The following PHF21B variants were observed in gnomAD, a reference collection of about 807,000 sequenced individuals.
PHF21B encodes PHD finger protein 21B, also known as PHD finger protein 4.
A neutral mutation model predicts 62.2 loss-of-function variants in PHF21B; 22 were observed. The observed-to-expected ratio is 0.35, with a 90% CI of 0.25 to 0.51. The LOEUF (loss-of-function observed/expected upper bound fraction) is 0.51, where lower values mean the gene tolerates loss of function less well. Ranked by LOEUF, PHF21B falls within the 20% of genes least tolerant of loss-of-function variation. The pLI, the probability that PHF21B is intolerant of heterozygous loss-of-function variation, is 0.97. For missense variants in PHF21B, 701 were observed against 707.9 expected, an observed-to-expected ratio of 0.99 and a Z score of 0.11; for synonymous variants, 341 against 314.7, an observed-to-expected ratio of 1.08 and a Z score of -0.88.
rs1430962757 is a variant in PHF21B at position 45,009,997 on chromosome 22, T to G, written c.-448A>C. On this transcript the variant is annotated 5_prime_UTR_variant, in exon 1 of 13. Coordinates refer to ENST00000313237, the MANE Select transcript of PHF21B (RefSeq NM_138415.5). The surrounding 1 kb of genome is among the most constrained non-coding windows in gnomAD (Gnocchi z 5.9). ...AAGTTGTGCCTCGGCACGATGCTAA[T>G]TCGGCAGTGCCCGGATGGAGCGGGC... 3 of 145,246 alleles carry G rather than the reference T, an allele frequency of 2.1e-5. No individual in the cohort carries two copies. The South Asian group carries it at 5.9e-4, about 28-fold the overall frequency. 9.0% of individuals were successfully genotyped at this position (145,246 alleles called of 1,614,324 possible). A position where few individuals can be genotyped will look rare whatever the true frequency, so the allele number is the denominator to read the frequency against.
chr22:44,956,614 GC>G lies in PHF21B; in HGVS notation c.121-36125del, dbSNP rs1229900760. On this transcript the variant is annotated intron_variant, in intron 2 of 12. Transcript: ENST00000313237. ...AGAGCTGCCGAGCTTCCTTCACGAGGCGGCTGCTGCCCAGGGAGACCTCGAG... is the reference window on the plus strand; with the variant it reads ...AGAGCTGCCGAGCTTCCTTCACGAGGGGCTGCTGCCCAGGGAGACCTCGAG... 3.9e-3 allele frequency among the ~76,000 whole-genome samples: 598 copies of G among 152,286 alleles called. 5 individuals are homozygous for G. Among genetic ancestry groups the G allele is most frequent in the African/African-American group, 0.013 (543 of 41,556 alleles).
chr22:44,995,859 G>A (rs550409082), intron 2 of PHF21B, among the ~76,000 whole-genome samples: 395 of 147,930 alleles, frequency 2.7e-3, no homozygotes, highest in Non-Finnish European at 4.8e-3. Flanking sequence ...CCTGAGGTCA[G>A]GGTGACTGCC....
intron 2 of PHF21B, among the ~76,000 whole-genome samples, chr22:44,938,592 C>T (rs961948012): frequency 6.6e-6 from 1 of 152,208 alleles, no homozygotes; most frequent in Non-Finnish European, 1.5e-5. Context: ...AAAGGCAGGG[C>T]CAAGGGGGCA....
chr22:44,919,842 T>C (rs759230966), intron 3 of PHF21B, among the ~76,000 whole-genome samples: 1 of 152,212 alleles, frequency 6.6e-6, no homozygotes, highest in African/African-American at 2.4e-5. Context: ...AGCCGGCACC[T>C]GCACCAGTCC....
In PHF21B at chr22:44,913,844, G is replaced by A. The variant is rs1452493314; in HGVS notation, c.809C>T (p.Pro270Leu). The A allele has an allele frequency of 6.2e-7, 1 of 1,613,734 alleles. No individual in the cohort carries two copies. The highest frequency in any genetic ancestry group is 1.3e-5 in the African/African-American group (1 of 75,018). ...QATKKKKEDR[P>L]PTQENPEKIA... ...TACCTCGGGGTTCTCCTGGGTCGGGGGCCGGTCTTCCTTCTTCTTTTTGGT... is the reference window on the plus strand; with the variant it reads ...TACCTCGGGGTTCTCCTGGGTCGGGAGCCGGTCTTCCTTCTTCTTTTTGGT... The change falls in exon 5 of 13, where the codon CCC becomes CTC. Residue 270 changes from proline to leucine, a missense_variant. Pro to Leu is a moderately conservative substitution (Grantham distance 98, BLOSUM62 -3). Coordinates refer to ENST00000313237, the MANE Select transcript of PHF21B (RefSeq NM_138415.5).
At chr22:44,944,570 T>C (rs1266786471) in intron 2 of PHF21B, among the ~76,000 whole-genome samples, 1 of 152,184 alleles carries the variant, frequency 6.6e-6, no homozygotes, top group African/African-American at 2.4e-5. Context: ...TTTGGGAATT[T>C]CCTAAGATGC....
At position 44,882,251 on chromosome 22, in the gene PHF21B, C is replaced by G. The variant is rs1160390773; in HGVS notation, c.*835G>C. On this transcript the variant is annotated 3_prime_UTR_variant, in exon 13 of 13. Coordinates refer to ENST00000313237, the MANE Select transcript of PHF21B (RefSeq NM_138415.5). ...CAAGGAGAAAACCTGCCAAATGCTG[C>G]CCCCCACAACAGGGTTGCAGCTCCA... The G allele has an allele frequency of 6.6e-6, 1 of 152,580 alleles. No homozygotes were observed. Among genetic ancestry groups the G allele is most frequent in the Admixed American group, 6.5e-5 (1 of 15,272 alleles). 9.5% of individuals were successfully genotyped at this position (152,580 alleles called of 1,614,324 possible). A position where few individuals can be genotyped will look rare whatever the true frequency, so the allele number is the denominator to read the frequency against.
intron 5 of PHF21B, among the ~76,000 whole-genome samples, chr22:44,900,412 T>C (rs4823410): frequency 0.1 from 15,195 of 152,194 alleles, 892 homozygotes; most frequent in African/African-American, 0.17. Context: ...GTGATTCTCC[T>C]GCCTCAGTCT....
At chr22:44,936,572 C>T (rs376142781) in intron 2 of PHF21B, among the ~76,000 whole-genome samples, 4 of 152,142 alleles carry the variant, frequency 2.6e-5, no homozygotes, top group Admixed American at 6.5e-5. Flanking sequence ...TGAGCTGAGA[C>T]GGGTTTCAAG....
At chr22:45,004,752 C>T (rs2147540870) in intron 2 of PHF21B, among the ~76,000 whole-genome samples, 1 of 152,228 alleles carries the variant, frequency 6.6e-6, no homozygotes, top group East Asian at 1.9e-4. Flanking sequence ...TTGCTGGACA[C>T]AGCTGGTAAG....
At chr22:44,905,425 T>G (rs1285775590) in intron 5 of PHF21B, among the ~76,000 whole-genome samples, 1 of 152,230 alleles carries the variant, frequency 6.6e-6, no homozygotes, top group Non-Finnish European at 1.5e-5. Context: ...TCGTTATTCC[T>G]TATTTCTAGA....
At position 44,916,349 on chromosome 22, in the gene PHF21B, G is replaced by C; in HGVS notation, c.495C>G (p.Pro165=). ...TSPSNAAAMA[P]STAVSVVSDS... is the part of the protein sequence containing the mutation. ...CACTGACCACAGACACGGCGGTGCT[G>C]GGGGCCATGGCGGCGGCATTGCTGG... The change falls in exon 4 of 13, where the codon CCC becomes CCG. Residue 165 remains proline, a synonymous_variant. Coordinates refer to ENST00000313237, the MANE Select transcript of PHF21B (RefSeq NM_138415.5). 6.3e-7 allele frequency: 1 copy of C among 1,597,392 alleles called. No homozygotes were observed. Among genetic ancestry groups the C allele is most frequent in the Non-Finnish European group, 8.5e-7 (1 of 1,176,626 alleles).
At chr22:44,891,500 G>A (rs1569209565) in intron 7 of PHF21B, 140 bp from the exon 8 acceptor site, 2 of 964,676 alleles carry the variant, frequency 2.1e-6, no homozygotes, top group East Asian at 2.6e-5. Flanking sequence ...CCCCTGCCAG[G>A]GGCAGAAATA....
At chr22:44,886,020 G>T in intron 10 of PHF21B, 82 bp from the exon 11 acceptor site, 1 of 1,335,672 alleles carries the variant, frequency 7.5e-7, no homozygotes. Flanking sequence ...GTGTAACCCT[G>T]AGGGGGCACG....
chr22:44,978,252 G>C (rs942150665), intron 2 of PHF21B, among the ~76,000 whole-genome samples: 2 of 152,084 alleles, frequency 1.3e-5, no homozygotes, highest in African/African-American at 2.4e-5. Flanking sequence ...TTCCCACCCA[G>C]CAGCACTCCT....
chr22:44,976,889 G>C (rs370151141), intron 2 of PHF21B, among the ~76,000 whole-genome samples: 2 of 152,354 alleles, frequency 1.3e-5, no homozygotes, highest in African/African-American at 4.8e-5. Context: ...TGCAGTCCCA[G>C]CACTTTAGGA....
Position 44,910,666 on chromosome 22 carries a change from T to C in PHF21B, c.831+3156A>G, listed in dbSNP as rs2071329165. Among the ~76,000 whole-genome samples, 3 of 152,356 alleles carry C rather than the reference T, an allele frequency of 2.0e-5. No individual in the cohort carries two copies. The South Asian group carries it at 6.2e-4, about 32-fold the overall frequency. On this transcript the variant is annotated intron_variant, in intron 5 of 12. Transcript: ENST00000313237. ...TTTCCTTCTGCCATGATTGTGAGGC[T>C]TCCCCAGCCATCTGGAACTGTGAGT...
chr22:44,941,204 C>A (rs556344046), intron 2 of PHF21B, among the ~76,000 whole-genome samples: 2 of 152,174 alleles, frequency 1.3e-5, no homozygotes, highest in African/African-American at 4.8e-5. Context: ...CAGCCAACAC[C>A]CAGAGGAAGA....
At chr22:44,952,723 C>G (rs1408052967) in intron 2 of PHF21B, among the ~76,000 whole-genome samples, 1 of 152,206 alleles carries the variant, frequency 6.6e-6, no homozygotes, top group Admixed American at 6.5e-5. Context: ...GTATAAGAGT[C>G]TGATTCCAAG....
Sources: gnomAD v4.1 joint callset for allele counts (sites outside exome capture counted in the v4.1 genomes callset) on GRCh38, gnomAD v4.1.1 for gene constraint, Gnocchi (gnomAD v3.1) non-coding constraint, MANE v1.5 for transcripts, NCBI Gene and HGNC (gene_info 2026-07-23, HGNC 2026-07-21) for gene names.